ITPR2: variants seen among roughly 807,000 people sequenced by gnomAD.
ITPR2 encodes the protein inositol 1,4,5-trisphosphate-gated calcium channel ITPR2.
ITPR2 carries 207 observed loss-of-function variants against 317.1 expected under a neutral mutation model. The ratio of observed to expected loss-of-function variants is 0.65; its 90% CI spans 0.58 to 0.73. The LOEUF (loss-of-function observed/expected upper bound fraction) is 0.73, where lower values mean the gene tolerates loss of function less well. Ranked by LOEUF, ITPR2 falls within the 30% of genes least tolerant of loss-of-function variation. ITPR2 has a pLI of 0.00. For missense variants in ITPR2, 2,613 were observed against 3,284.0 expected (o/e 0.80, Z 4.99); for synonymous variants, 1,156 against 1,149.1 (o/e 1.01, Z -0.12).
At chr12:26,686,663 T>C (rs1176849322) in intron 10 of ITPR2, 31 bp from the exon 11 acceptor site, 7 of 1,575,488 alleles carry the variant, frequency 4.4e-6, no homozygotes, top group South Asian at 3.5e-5. Context: ...TATTTACTTT[T>C]ATCACGTTTC....
intron 13 of ITPR2, among the ~76,000 whole-genome samples, chr12:26,669,259 T>C (rs1162212456): frequency 3.3e-5 from 5 of 152,032 alleles, no homozygotes. Flanking sequence ...CAAAGAGAAC[T>C]ATTAAAAGGC....
intron 2 of ITPR2, among the ~76,000 whole-genome samples, chr12:26,777,523 T>A (rs1949995828): frequency 6.6e-6 from 1 of 152,186 alleles, no homozygotes; most frequent in Non-Finnish European, 1.5e-5. Flanking sequence ...GTAACTACCA[T>A]AATGGAAAGC....
At chr12:26,715,595 TG>T (rs530312604) in intron 7 of ITPR2, 150 bp from the exon 8 acceptor site, 3 of 835,716 alleles carry the variant, frequency 3.6e-6, no homozygotes, top group Non-Finnish European at 5.5e-6. Context: ...TTTAAAAATG[TG>T]GGGGGGAAAT....
At chr12:26,703,510 T>C (rs76497440) in intron 9 of ITPR2, among the ~76,000 whole-genome samples, 4,627 of 152,292 alleles carry the variant, frequency 0.03, 88 homozygotes, top group South Asian at 0.067. Context: ...GGGGCTGTCC[T>C]GTGTATAGTA....
At chr12:26,809,241 T>C (rs1321072384) in intron 1 of ITPR2, among the ~76,000 whole-genome samples, 1 of 152,216 alleles carries the variant, frequency 6.6e-6, no homozygotes, top group Admixed American at 6.5e-5. Flanking sequence ...GCTAATTTCA[T>C]TATAATTATT....
chr12:26,582,513 A>T (rs924447074), intron 32 of ITPR2, among the ~76,000 whole-genome samples: 4 of 152,222 alleles, frequency 2.6e-5, no homozygotes, highest in African/African-American at 7.2e-5. Context: ...CTAATGCACC[A>T]TCATGCTTTA....
At chr12:26,442,399 G>T (rs1941506970) in intron 46 of ITPR2, among the ~76,000 whole-genome samples, 1 of 152,116 alleles carries the variant, frequency 6.6e-6, no homozygotes. Flanking sequence ...TACTGAATGT[G>T]TGTATTTATA....
At chr12:26,462,626 A>T (rs1030607071) in intron 45 of ITPR2, among the ~76,000 whole-genome samples, 6 of 151,752 alleles carry the variant, frequency 4.0e-5, no homozygotes, top group African/African-American at 1.5e-4. Context: ...ATACTTCCTC[A>T]ACATGCCTTC....
intron 55 of ITPR2, among the ~76,000 whole-genome samples, chr12:26,383,031 C>T (rs911378308): frequency 1.3e-5 from 2 of 152,136 alleles, no homozygotes; most frequent in African/African-American, 4.8e-5. Context: ...GCTTTTGGGT[C>T]ATGGGGGCAG....
chr12:26,392,129 C>T (rs191232460), intron 54 of ITPR2, among the ~76,000 whole-genome samples: 182 of 152,246 alleles, frequency 1.2e-3, no homozygotes, highest in African/African-American at 3.8e-3. Flanking sequence ...CAGTACTGAC[C>T]TTTCTTCTCA....
chr12:26,491,217 C>G (rs549026272), intron 39 of ITPR2, among the ~76,000 whole-genome samples: 61 of 152,058 alleles, frequency 4.0e-4, no homozygotes, highest in African/African-American at 1.4e-3. Context: ...GGTGTGGTGG[C>G]TCACACCTGT....
Position 26,398,935 on chromosome 12 carries a change from T to G in ITPR2, c.7637A>C (p.Asp2546Ala). 1 of 1,611,472 alleles carries G rather than the reference T, an allele frequency of 6.2e-7. No homozygotes were observed. The highest frequency in any genetic ancestry group is 8.5e-7 in the Non-Finnish European group (1 of 1,179,372). Reference sequence around the variant, plus strand: ...TTTTTTCTGTTTTTCGCTTCTGAGATCAGCAAAAGTATCGATGATAACACC... The same window carrying G: ...TTTTTTCTGTTTTTCGCTTCTGAGAGCAGCAAAAGTATCGATGATAACACC... ...IFGVIIDTFA[D>A]LRSEKQKKEE... The change falls in exon 54 of 57, where the codon GAT (aspartate) becomes GCT (alanine). Residue 2546 changes from aspartate to alanine, a missense_variant. Around this residue, in one of 9 missense-constraint regions of ITPR2, gnomAD observed 28 missense variants for 76.0 expected, o/e 0.37. Transcript: ENST00000381340.
intron 45 of ITPR2, among the ~76,000 whole-genome samples, chr12:26,464,258 T>C (rs1408320080): frequency 6.6e-6 from 1 of 152,170 alleles, no homozygotes; most frequent in Non-Finnish European, 1.5e-5. Flanking sequence ...CACCATAATA[T>C]AGAATCAGTG....
rs1941434071 is a variant in ITPR2 at position 26,439,373 on chromosome 12, C to T, written c.6451-54G>A. On this transcript the variant is annotated intron_variant, in intron 46 of 56. Coordinates refer to ENST00000381340, the MANE Select transcript of ITPR2 (RefSeq NM_002223.4). ...GCCTTTCGGACACCTCAGTCTTAGA[C>T]TTGCTTTTGTTTTTAACATGAGTTT... 3.9e-6 allele frequency: 5 copies of T among 1,298,252 alleles called. No individual in the cohort carries two copies. The East Asian group carries it at 1.0e-4, about 26-fold the overall frequency. The allele number at this position is 1,298,252 out of a possible 1,614,324, so 80.4% of individuals were successfully genotyped here. A position where few individuals can be genotyped will look rare whatever the true frequency, so the allele number is the denominator to read the frequency against.
intron 37 of ITPR2, among the ~76,000 whole-genome samples, chr12:26,543,152 C>T (rs1005957236): frequency 6.6e-6 from 1 of 152,130 alleles, no homozygotes; most frequent in African/African-American, 2.4e-5. Flanking sequence ...CCAAACCAAA[C>T]CATTCCTCTG....
chr12:26,586,878 C>T lies in ITPR2; in HGVS notation c.4381-6723G>A, dbSNP rs141692468. ...TGTTTGTATTGCCTAGGACTCCTTT[C>T]TCTATAGTAATTGTCATAATAGTGG... On this transcript the variant is annotated intron_variant, in intron 32 of 56. Coordinates refer to ENST00000381340, the MANE Select transcript of ITPR2 (RefSeq NM_002223.4). Among the ~76,000 whole-genome samples the T allele has an allele frequency of 1.2e-4, 18 of 152,260 alleles. No homozygotes were observed. The East Asian group carries it at 3.5e-3, about 29-fold the overall frequency.
chr12:26,808,129 A>G (rs1427258916), intron 1 of ITPR2, among the ~76,000 whole-genome samples: 1 of 152,202 alleles, frequency 6.6e-6, no homozygotes, highest in African/African-American at 2.4e-5. Context: ...CTTCACCACC[A>G]TGGCTGGGAA....
chr12:26,596,760 CA>C, intron 31 of ITPR2, 122 bp downstream of exon 31: 2 of 673,790 alleles, frequency 3.0e-6, no homozygotes, highest in Middle Eastern at 4.0e-4. Flanking sequence ...TAGTTAAATA[CA>C]ATTCCCTGAC....
intron 4 of ITPR2, among the ~76,000 whole-genome samples, chr12:26,724,296 C>G (rs1278831226): frequency 6.6e-6 from 1 of 152,164 alleles, no homozygotes; most frequent in East Asian, 1.9e-4. Flanking sequence ...GAAAACTTTT[C>G]TCTCTTCACA....
Sources: gnomAD v4.1 joint callset for allele counts (sites outside exome capture counted in the v4.1 genomes callset) on GRCh38, gnomAD v4.1.1 for gene constraint, gnomAD v4.1.1 regional missense constraint, MANE v1.5 for transcripts, NCBI Gene and HGNC (gene_info 2026-07-23, HGNC 2026-07-21) for gene names.